The following CADM2 variants were observed in gnomAD, a reference collection of about 807,000 sequenced individuals.
The protein encoded by CADM2 is cell adhesion molecule 2, also known as immunoglobulin superfamily member 4D.
CADM2 carries 12 observed loss-of-function variants against 49.8 expected under a neutral mutation model. That is an observed-to-expected ratio of 0.24 (90% confidence interval 0.15 to 0.39). The LOEUF is 0.39. Ranked by LOEUF, CADM2 falls within the 10% of genes least tolerant of loss-of-function variation. CADM2 has a pLI of 1.00. For missense variants in CADM2, 378 were observed against 492.3 expected, an observed-to-expected ratio of 0.77 and a Z score of 2.20; for synonymous variants, 214 against 175.4, an observed-to-expected ratio of 1.22 and a Z score of -1.74.
In CADM2 at chr3:85,809,790, CTCTT is replaced by C. The variant is rs1553690316; in HGVS notation, c.238+7614_238+7617del. ...TCTCTCTCTCTCTCTCTCTCTCTCT[CTCTT>C]TCTTTCTTTCTTTCTTTCTGTGGGA... On this transcript the variant is annotated intron_variant, in intron 3 of 9. Transcript: ENST00000383699. Among the ~76,000 whole-genome samples, 127 of 98,934 alleles carry C rather than the reference CTCTT, an allele frequency of 1.3e-3. 1 individual carries two copies. Among genetic ancestry groups the C allele is most frequent in the Admixed American group, 5.7e-3 (54 of 9,548 alleles). 64.9% of individuals were successfully genotyped at this position (98,934 alleles called of 152,430 possible). A position where few individuals can be genotyped will look rare whatever the true frequency, so the allele number is the denominator to read the frequency against.
intron 8 of CADM2, chr3:85,993,492 A>G (rs1729029229): frequency 1.3e-5 from 2 of 152,210 alleles, no homozygotes; most frequent in Non-Finnish European, 2.9e-5. Flanking sequence ...ACTTCCTCCC[A>G]GGAATCACAA....
At chr3:85,076,743 G>A (rs545263952) in intron 1 of CADM2, among the ~76,000 whole-genome samples, 6 of 151,652 alleles carry the variant, frequency 4.0e-5, no homozygotes, top group Non-Finnish European at 7.4e-5. Context: ...AGGTCGAGGT[G>A]TAAGAGTCAC....
chr3:85,190,620 C>A (rs943184483), intron 1 of CADM2, among the ~76,000 whole-genome samples: 1 of 151,956 alleles, frequency 6.6e-6, no homozygotes, highest in Non-Finnish European at 1.5e-5. Context: ...AAAAGAAAGG[C>A]GATAATTTTG....
At chr3:85,767,845 G>T (rs571300651) in intron 2 of CADM2, among the ~76,000 whole-genome samples, 1 of 152,062 alleles carries the variant, frequency 6.6e-6, no homozygotes, top group Admixed American at 6.6e-5. Context: ...AAAGATGCTG[G>T]TAGAGCTACC....
chr3:85,826,050 G>A (rs1350436475), intron 3 of CADM2, among the ~76,000 whole-genome samples: 24 of 151,976 alleles, frequency 1.6e-4, no homozygotes, highest in Admixed American at 1.6e-3. Flanking sequence ...AAATAATCTA[G>A]CAAGGAGATT....
chr3:85,077,462 G>C (rs1296209666), intron 1 of CADM2, among the ~76,000 whole-genome samples: 1 of 151,832 alleles, frequency 6.6e-6, no homozygotes, highest in Non-Finnish European at 1.5e-5. Context: ...AAGTTGCTTG[G>C]TGTTTGTAAT....
At chr3:86,055,167 ATT>A (rs768490300) in intron 8 of CADM2, among the ~76,000 whole-genome samples, 24 of 152,188 alleles carry the variant, frequency 1.6e-4, no homozygotes, top group Non-Finnish European at 3.4e-4. Flanking sequence ...TATGAAGCTC[ATT>A]GTTTTATTTG....
intron 8 of CADM2, among the ~76,000 whole-genome samples, chr3:85,978,532 C>T (rs979729466): frequency 1.5e-4 from 22 of 151,454 alleles, no homozygotes; most frequent in Non-Finnish European, 2.2e-4. Flanking sequence ...TATTAGAAGG[C>T]GTTACCAGTT....
chr3:85,610,183 C>A (rs1238523523), intron 1 of CADM2, among the ~76,000 whole-genome samples: 8 of 151,718 alleles, frequency 5.3e-5, no homozygotes, highest in Non-Finnish European at 1.2e-4. Context: ...TTAATGACTT[C>A]GAAGAGTAAA....
intron 1 of CADM2, among the ~76,000 whole-genome samples, chr3:85,701,439 G>T (rs951144351): frequency 6.6e-6 from 1 of 152,008 alleles, no homozygotes; most frequent in African/African-American, 2.4e-5. Context: ...AGATTTAAAG[G>T]AAGTGGACAA....
intron 8 of CADM2, among the ~76,000 whole-genome samples, chr3:85,990,797 G>T (rs1484707386): frequency 1.3e-5 from 2 of 152,140 alleles, no homozygotes; most frequent in African/African-American, 4.8e-5. Context: ...ATCTATCGTA[G>T]ATAGACCATC....
At position 85,288,786 on chromosome 3, in the gene CADM2, C is replaced by T. The variant is rs887430885; in HGVS notation, c.61+329118C>T. 1.4e-4 allele frequency among the ~76,000 whole-genome samples: 10 copies of T among 70,824 alleles called. 1 individual carries two copies. The highest frequency in any genetic ancestry group is 5.6e-4 in the South Asian group (1 of 1,790). The allele number at this position is 70,824 out of a possible 152,430, so 46.5% of individuals were successfully genotyped here. ...CCAGTATTCTGCTTTACCAATATGC[C>T]CCCCCCCCCTCTTTTTTTCCATCAT... On this transcript the variant is annotated intron_variant, in intron 1 of 9. Coordinates refer to ENST00000383699, the MANE Select transcript of CADM2 (RefSeq NM_001167675.2).
chr3:85,034,790 CTTTTTTT>C (rs1179967499), intron 1 of CADM2, among the ~76,000 whole-genome samples: 11 of 84,058 alleles, frequency 1.3e-4, no homozygotes, highest in African/African-American at 1.6e-4. Flanking sequence ...AGACATTTTG[CTTTTTTT>C]TTTTTTTTTT....
chr3:85,721,984 G>A (rs182903043), intron 1 of CADM2, among the ~76,000 whole-genome samples: 1 of 152,330 alleles, frequency 6.6e-6, no homozygotes, highest in Admixed American at 6.5e-5. Context: ...AGGAGGCCCT[G>A]GAGTGGGTAG....
chr3:85,579,766 C>CATATAGATTT (rs1376722836), intron 1 of CADM2, among the ~76,000 whole-genome samples: 2 of 151,888 alleles, frequency 1.3e-5, no homozygotes, highest in Non-Finnish European at 2.9e-5. Flanking sequence ...GTCTCTAATT[C>CATATAGATTT]ATATAGATTT....
intron 2 of CADM2, among the ~76,000 whole-genome samples, chr3:85,767,905 G>A (rs894719850): frequency 2.6e-5 from 4 of 152,018 alleles, no homozygotes; most frequent in Non-Finnish European, 2.9e-5. Context: ...TTAAACTTAC[G>A]TATGTATCTA....
chr3:85,967,465 C>T (rs1376909489), intron 8 of CADM2, among the ~76,000 whole-genome samples: 1 of 151,542 alleles, frequency 6.6e-6, no homozygotes, highest in East Asian at 1.9e-4. Context: ...AATCATTAAG[C>T]AACAGATTAG....
chr3:85,252,741 G>T (rs2042802829), intron 1 of CADM2, among the ~76,000 whole-genome samples: 1 of 151,914 alleles, frequency 6.6e-6, no homozygotes, highest in Non-Finnish European at 1.5e-5. Context: ...TCTATCACTG[G>T]AGATAATTTT....
At chr3:85,451,193 A>G (rs1452920053) in intron 1 of CADM2, among the ~76,000 whole-genome samples, 1 of 152,126 alleles carries the variant, frequency 6.6e-6, no homozygotes, top group African/African-American at 2.4e-5. Flanking sequence ...ATATTTAAAA[A>G]TAAACCTTAA....
Sources: gnomAD v4.1 joint callset for allele counts (sites outside exome capture counted in the v4.1 genomes callset) on GRCh38, gnomAD v4.1.1 for gene constraint, MANE v1.5 for transcripts, NCBI Gene and HGNC (gene_info 2026-07-23, HGNC 2026-07-21) for gene names.